KCNK10: variants seen among roughly 807,000 people sequenced by gnomAD.
KCNK10 encodes potassium two pore domain channel subfamily K member 10.
A neutral mutation model predicts 47.7 loss-of-function variants in KCNK10; 25 were observed. The observed-to-expected ratio is 0.52, with a 90% CI of 0.38 to 0.73. The LOEUF (loss-of-function observed/expected upper bound fraction) is 0.73. KCNK10 is among the 30% of genes least tolerant of loss of function. The pLI is 0.00. For synonymous variants in KCNK10, 303 were observed against 285.6 expected (o/e 1.06, Z -0.61); for missense variants, 563 against 714.5 (o/e 0.79, Z 2.42).
chr14:88,278,045 A>G (rs1241705291), intron 1 of KCNK10, among the ~76,000 whole-genome samples: 2 of 152,218 alleles, frequency 1.3e-5, no homozygotes, highest in Non-Finnish European at 1.5e-5. Flanking sequence ...TGCTTCAGGC[A>G]TCGGAGGCAC....
At chr14:88,240,562 T>C (rs1595099085) in intron 3 of KCNK10, 141 bp downstream of exon 3, 1 of 600,200 alleles carries the variant, frequency 1.7e-6, no homozygotes, top group Non-Finnish European at 3.0e-6. Flanking sequence ...CCACAATGAC[T>C]GCATTAATTT....
intron 4 of KCNK10, among the ~76,000 whole-genome samples, chr14:88,203,662 C>T (rs1347105205): frequency 6.6e-6 from 1 of 152,158 alleles, no homozygotes; most frequent in Non-Finnish European, 1.5e-5. Context: ...TCTAGTGTTA[C>T]CGGGGAGAGT....
At chr14:88,293,661 A>C (rs11851736) in intron 1 of KCNK10, among the ~76,000 whole-genome samples, 2,238 of 151,640 alleles carry the variant, frequency 0.015, 64 homozygotes, top group African/African-American at 0.052. Context: ...CTTTCTTCTT[A>C]GCCTCCTTCT....
chr14:88,291,406 C>T (rs551787415), intron 1 of KCNK10, among the ~76,000 whole-genome samples: 45 of 152,326 alleles, frequency 3.0e-4, no homozygotes, highest in African/African-American at 1.0e-3. Context: ...TCCATCAATG[C>T]AGAGCTTGCA....
chr14:88,310,163 CCATAT>C (rs1888285841), intron 1 of KCNK10, among the ~76,000 whole-genome samples: 11 of 123,380 alleles, frequency 8.9e-5, no homozygotes, highest in South Asian at 4.8e-4. Flanking sequence ...CTCTCATATA[CCATAT>C]CATATGGTAT....
chr14:88,231,265 CAATACCCCTTCTCTGA>C (rs1886153361), intron 3 of KCNK10, among the ~76,000 whole-genome samples: 1 of 151,270 alleles, frequency 6.6e-6, no homozygotes, highest in Admixed American at 6.6e-5. Flanking sequence ...GGCAACAAAG[CAATACCCCTTCTCTGA>C]AAAATAAAAA....
Position 88,180,631 on chromosome 14 carries a change from C to T in KCNK10, c.*4904G>A, listed in dbSNP as rs924885165. 1 of 396,872 alleles carries T rather than the reference C, an allele frequency of 2.5e-6. No homozygotes were observed. The highest frequency in any genetic ancestry group is 4.4e-6 in the Non-Finnish European group (1 of 225,378). 24.6% of individuals were successfully genotyped at this position (396,872 alleles called of 1,614,324 possible). A position where few individuals can be genotyped will look rare whatever the true frequency, so the allele number is the denominator to read the frequency against. ...AAGAATCAAGAACACAAAGTAGATA[C>T]CAAATCTCAGGCACCTGTGAAAATG... On this transcript the variant is annotated 3_prime_UTR_variant, in exon 7 of 7. Coordinates refer to ENST00000319231, the MANE Select transcript of KCNK10 (RefSeq NM_138317.3).
At chr14:88,293,503 T>A (rs903845278) in intron 1 of KCNK10, among the ~76,000 whole-genome samples, 1 of 152,180 alleles carries the variant, frequency 6.6e-6, no homozygotes, top group Non-Finnish European at 1.5e-5. Context: ...CTTCAACATG[T>A]ATTTCATCAG....
At chr14:88,312,117 G>A (rs990868884) in intron 1 of KCNK10, among the ~76,000 whole-genome samples, 9 of 151,980 alleles carry the variant, frequency 5.9e-5, no homozygotes, top group African/African-American at 1.7e-4. Flanking sequence ...TCAAGTCCAC[G>A]GTGCTACTCA....
intron 1 of KCNK10, among the ~76,000 whole-genome samples, chr14:88,301,819 A>G (rs1054067462): frequency 4.6e-5 from 7 of 152,180 alleles, no homozygotes; most frequent in African/African-American, 1.7e-4. Context: ...CCAGCACCAG[A>G]AAGCAGATTT....
chr14:88,192,690 T>C (rs1396921869), intron 4 of KCNK10, among the ~76,000 whole-genome samples: 1 of 152,214 alleles, frequency 6.6e-6, no homozygotes, highest in Non-Finnish European at 1.5e-5. Context: ...TGAATGTTTC[T>C]TGCATGGTTC....
chr14:88,185,302 T>A lies in KCNK10; in HGVS notation c.*233A>T, dbSNP rs1884504819. 2 of 566,162 alleles carry A rather than the reference T, an allele frequency of 3.5e-6. No individual in the cohort carries two copies. Among genetic ancestry groups the A allele is most frequent in the East Asian group, 7.0e-5 (2 of 28,706 alleles). The allele number at this position is 566,162 out of a possible 1,614,324, so 35.1% of individuals were successfully genotyped here. ...ACATGTACGGCCAGAACCGGCTACG[T>A]GCACGGACACTCTTGGTGTGTCCTG... On this transcript the variant is annotated 3_prime_UTR_variant, in exon 7 of 7. Coordinates refer to ENST00000319231, the MANE Select transcript of KCNK10 (RefSeq NM_138317.3). This position sits in a 1 kb window ranked among gnomAD's most constrained non-coding sequence, Gnocchi z 4.3.
chr14:88,195,207 T>C (rs1228544298), intron 4 of KCNK10, among the ~76,000 whole-genome samples: 2 of 152,168 alleles, frequency 1.3e-5, no homozygotes, highest in African/African-American at 4.8e-5. Context: ...AGGGAAAGAC[T>C]GCCTGAGACA....
intron 1 of KCNK10, among the ~76,000 whole-genome samples, chr14:88,309,065 G>A (rs565760760): frequency 2.6e-5 from 4 of 152,264 alleles, no homozygotes; most frequent in South Asian, 2.1e-4. Flanking sequence ...CAGAGACTTC[G>A]TCTTGTTTAT....
intron 2 of KCNK10, among the ~76,000 whole-genome samples, chr14:88,251,481 A>G (rs1235507823): frequency 1.5e-4 from 23 of 152,180 alleles, no homozygotes; most frequent in Non-Finnish European, 5.9e-5. Flanking sequence ...TAAAGGGCCC[A>G]TAAAGGCTTC....
At chr14:88,225,410 T>C (rs1430543856) in intron 4 of KCNK10, among the ~76,000 whole-genome samples, 2 of 77,770 alleles carry the variant, frequency 2.6e-5, no homozygotes, top group East Asian at 6.7e-4. Flanking sequence ...AAAGATGAAA[T>C]GTGAGGTTTC....
At chr14:88,266,409 G>A (rs1887257687) in intron 1 of KCNK10, among the ~76,000 whole-genome samples, 1 of 152,152 alleles carries the variant, frequency 6.6e-6, no homozygotes, top group South Asian at 2.1e-4. Flanking sequence ...TTTAGTCTCA[G>A]CCAAAAGCTA....
At chr14:88,272,809 C>A (rs1425371541) in intron 1 of KCNK10, among the ~76,000 whole-genome samples, 1 of 152,010 alleles carries the variant, frequency 6.6e-6, no homozygotes, top group Non-Finnish European at 1.5e-5. Context: ...TATTATGAGG[C>A]CTCAACTCAG....
At chr14:88,255,195 T>C (rs1886913672) in intron 2 of KCNK10, among the ~76,000 whole-genome samples, 1 of 152,186 alleles carries the variant, frequency 6.6e-6, no homozygotes, top group Non-Finnish European at 1.5e-5. Context: ...GTAAAAGCTT[T>C]ATGAAGAGGT....
Sources: gnomAD v4.1 joint callset for allele counts (sites outside exome capture counted in the v4.1 genomes callset) on GRCh38, gnomAD v4.1.1 for gene constraint, Gnocchi (gnomAD v3.1) non-coding constraint, MANE v1.5 for transcripts, NCBI Gene and HGNC (gene_info 2026-07-23, HGNC 2026-07-21) for gene names.